Variants in BMPR1A observed in about 807,000 individuals in gnomAD.
The protein encoded by BMPR1A is bone morphogenetic protein receptor type 1A, also known as bone morphogenetic protein receptor type-1A.
Under a neutral mutation model 66.0 loss-of-function variants are expected in BMPR1A, and 7 were observed. That is an observed-to-expected ratio of 0.11 (90% CI 0.06 to 0.20). The LOEUF is 0.20. Ranked by LOEUF, BMPR1A falls within the 10% of genes least tolerant of loss-of-function variation. The probability of loss-of-function intolerance (pLI) is 1.00; values close to 1 mark genes in which losing one functional copy is unlikely to be tolerated. For missense variants in BMPR1A, 408 were observed against 669.1 expected (o/e 0.61, Z 4.31); for synonymous variants, 200 against 229.7 (o/e 0.87, Z 1.17).
At chr10:86,837,975 T>C (rs2133106400) in intron 1 of BMPR1A, among the ~76,000 whole-genome samples, 3 of 152,304 alleles carry the variant, frequency 2.0e-5, no homozygotes, top group Admixed American at 2.0e-4. Context: ...TACTTCTAAA[T>C]GGACTTGAAG....
intron 8 of BMPR1A, among the ~76,000 whole-genome samples, chr10:86,913,050 A>T (rs1054685460): frequency 1.3e-5 from 2 of 152,162 alleles, no homozygotes; most frequent in African/African-American, 4.8e-5. Context: ...AACACTAGAT[A>T]TCCAGATAGG....
At chr10:86,842,274 C>T (rs1053834168) in intron 2 of BMPR1A, among the ~76,000 whole-genome samples, 8 of 152,106 alleles carry the variant, frequency 5.3e-5, no homozygotes, top group Non-Finnish European at 1.0e-4. Flanking sequence ...GAGAAACCCT[C>T]ACACATTTGG....
intron 1 of BMPR1A, among the ~76,000 whole-genome samples, chr10:86,767,528 A>G (rs1841186089): frequency 6.6e-6 from 1 of 152,110 alleles, no homozygotes; most frequent in South Asian, 2.1e-4. Flanking sequence ...AAATTTAAAA[A>G]TCAATGAGAT....
At chr10:86,781,280 AAG>A (rs1841433918) in intron 1 of BMPR1A, among the ~76,000 whole-genome samples, 1 of 152,158 alleles carries the variant, frequency 6.6e-6, no homozygotes, top group Admixed American at 6.5e-5. Context: ...CCATTTATTG[AAG>A]AGACTGTCTT....
intron 1 of BMPR1A, among the ~76,000 whole-genome samples, chr10:86,763,809 T>TTTTG (rs1554875955): frequency 6.7e-6 from 1 of 150,136 alleles, no homozygotes; most frequent in South Asian, 2.1e-4. Context: ...TTTTTTTTTT[T>TTTTG]GAGACGGAGT....
chr10:86,882,196 G>T (rs1461361676), intron 3 of BMPR1A, among the ~76,000 whole-genome samples: 1 of 152,154 alleles, frequency 6.6e-6, no homozygotes, highest in African/African-American at 2.4e-5. Flanking sequence ...AAGGTTTCTG[G>T]CCAGGTGCAG....
chr10:86,852,653 C>T (rs1842586750), intron 2 of BMPR1A, among the ~76,000 whole-genome samples: 1 of 152,140 alleles, frequency 6.6e-6, no homozygotes, highest in Non-Finnish European at 1.5e-5. Context: ...GATTTTAATA[C>T]TAATAAGCTA....
At chr10:86,877,209 CT>C (rs10645210) in intron 3 of BMPR1A, among the ~76,000 whole-genome samples, 415 of 138,308 alleles carry the variant, frequency 3.0e-3, no homozygotes, top group Middle Eastern at 0.011. Context: ...ATATTTTCAT[CT>C]TTTTTTTTTT....
chr10:86,838,875 A>G lies in BMPR1A; in HGVS notation c.-257A>G, dbSNP rs1842389088. On this transcript the variant is annotated 5_prime_UTR_variant, in exon 2 of 13. Coordinates refer to ENST00000372037, the MANE Select transcript of BMPR1A (RefSeq NM_004329.3). ...TTTTTTTCTAAACAGACTTATGAAA[A>G]TATGCATCAGTTTAATACTGTCTTG... 6.6e-6 allele frequency: 1 copy of G among 152,158 alleles called. No homozygotes were observed. 9.4% of individuals were successfully genotyped at this position (152,158 alleles called of 1,614,324 possible).
chr10:86,873,246 C>T (rs931095058), intron 2 of BMPR1A, among the ~76,000 whole-genome samples: 1 of 152,070 alleles, frequency 6.6e-6, no homozygotes, highest in Non-Finnish European at 1.5e-5. Flanking sequence ...AACAACCATA[C>T]TCATATTTGT....
At chr10:86,905,353 T>C (rs1251906367) in intron 7 of BMPR1A, among the ~76,000 whole-genome samples, 1 of 152,238 alleles carries the variant, frequency 6.6e-6, no homozygotes, top group Non-Finnish European at 1.5e-5. Context: ...GATCCTATGA[T>C]CTGCCCCCAT....
intron 1 of BMPR1A, among the ~76,000 whole-genome samples, chr10:86,827,383 A>C (rs755220411): frequency 9.9e-5 from 15 of 152,180 alleles, no homozygotes; most frequent in Non-Finnish European, 2.2e-4. Context: ...ATTTGATATA[A>C]TATTCCAAAT....
At chr10:86,778,167 G>T in intron 1 of BMPR1A, among the ~76,000 whole-genome samples, 1 of 151,964 alleles carries the variant, frequency 6.6e-6, no homozygotes, top group South Asian at 2.1e-4. Context: ...TGTGGCCCAG[G>T]ATAGCTTCGA....
chr10:86,898,361 C>T (rs1350943738), intron 5 of BMPR1A, among the ~76,000 whole-genome samples: 1 of 152,070 alleles, frequency 6.6e-6, no homozygotes, highest in Non-Finnish European at 1.5e-5. Flanking sequence ...TTTCTAAAGT[C>T]TTTAAATTAC....
At chr10:86,772,352 G>A (rs1219477406) in intron 1 of BMPR1A, among the ~76,000 whole-genome samples, 1 of 151,596 alleles carries the variant, frequency 6.6e-6, no homozygotes, top group Non-Finnish European at 1.5e-5. Context: ...GGATGGTCTC[G>A]ATCTCCTGAC....
chr10:86,899,195 T>A (rs935854631), intron 5 of BMPR1A, among the ~76,000 whole-genome samples: 3 of 152,268 alleles, frequency 2.0e-5, no homozygotes, highest in African/African-American at 7.2e-5. Context: ...CACATGCAAG[T>A]GCTGCTGCGC....
At chr10:86,908,424 G>A (rs905699398) in intron 7 of BMPR1A, among the ~76,000 whole-genome samples, 8 of 152,142 alleles carry the variant, frequency 5.3e-5, no homozygotes, top group African/African-American at 1.9e-4. Context: ...CTGTTGATAG[G>A]CAGGAGGTGT....
chr10:86,915,793 G>T (rs1843560374), intron 8 of BMPR1A, among the ~76,000 whole-genome samples: 1 of 152,134 alleles, frequency 6.6e-6, no homozygotes, highest in South Asian at 2.1e-4. Context: ...CTTTAGCTTT[G>T]CACTAAATCT....
At chr10:86,781,066 A>G (rs923860345) in intron 1 of BMPR1A, among the ~76,000 whole-genome samples, 6 of 151,626 alleles carry the variant, frequency 4.0e-5, no homozygotes, top group African/African-American at 9.7e-5. Flanking sequence ...ATGTTGGTCA[A>G]GCTGGTCTCG....
Sources: gnomAD v4.1 joint callset for allele counts (sites outside exome capture counted in the v4.1 genomes callset) on GRCh38, gnomAD v4.1.1 for gene constraint, MANE v1.5 for transcripts, NCBI Gene and HGNC (gene_info 2026-07-23, HGNC 2026-07-21) for gene names.